Variants in SLC4A10 observed in about 807,000 individuals in gnomAD.
SLC4A10 encodes solute carrier family 4 member 10.
SLC4A10 carries 42 observed loss-of-function variants against 137.7 expected under a neutral mutation model. The ratio of observed to expected loss-of-function variants is 0.30; its 90% CI spans 0.24 to 0.39. SLC4A10 has a LOEUF of 0.39. SLC4A10 is among the 10% of genes least tolerant of loss of function. SLC4A10 has a pLI of 1.00. For synonymous variants in SLC4A10, 474 were observed against 464.1 expected (o/e 1.02, Z -0.27); for missense variants, 925 against 1,355.0 (o/e 0.68, Z 4.98).
chr2:161,952,681 A>T (rs1319869031), intron 19 of SLC4A10, among the ~76,000 whole-genome samples: 1 of 152,152 alleles, frequency 6.6e-6, no homozygotes, highest in African/African-American at 2.4e-5. Context: ...TGTGAATCTG[A>T]ACTCTCCATC....
intron 19 of SLC4A10, among the ~76,000 whole-genome samples, chr2:161,955,858 T>A (rs1160697805): frequency 6.6e-6 from 1 of 152,182 alleles, no homozygotes; most frequent in African/African-American, 2.4e-5. Flanking sequence ...ATGGTCATAA[T>A]AACAAATTTA....
intron 2 of SLC4A10, among the ~76,000 whole-genome samples, chr2:161,778,848 C>G (rs1461010189): frequency 6.6e-6 from 1 of 151,906 alleles, no homozygotes; most frequent in African/African-American, 2.4e-5. Context: ...AATGCCCCAT[C>G]TTGATATTCT....
chr2:161,767,095 ATATATAT>A (rs2050900090), intron 1 of SLC4A10, among the ~76,000 whole-genome samples: 1 of 4,536 alleles, frequency 2.2e-4, no homozygotes, highest in Non-Finnish European at 3.3e-4. Context: ...ATTAAGAAGC[ATATATAT>A]ATATATATAT....
At chr2:161,977,355 ACTT>A in intron 25 of SLC4A10, 1 of 460,920 alleles carries the variant, frequency 2.2e-6, no homozygotes. Context: ...TTATCCCAAA[ACTT>A]TCAACTCCTG....
At chr2:161,636,334 G>A (rs2034383491) in intron 1 of SLC4A10, among the ~76,000 whole-genome samples, 1 of 151,850 alleles carries the variant, frequency 6.6e-6, no homozygotes. Context: ...CTTTTTTGTG[G>A]CTGAATAGTA....
At chr2:161,773,070 T>C (rs1422155744) in intron 2 of SLC4A10, among the ~76,000 whole-genome samples, 1 of 151,852 alleles carries the variant, frequency 6.6e-6, no homozygotes, top group Non-Finnish European at 1.5e-5. Flanking sequence ...TATAACAGAA[T>C]ACCACAGACT....
chr2:161,701,460 A>G (rs149407595), intron 1 of SLC4A10, among the ~76,000 whole-genome samples: 38 of 152,100 alleles, frequency 2.5e-4, no homozygotes, highest in African/African-American at 9.1e-4. Context: ...GATATATAAT[A>G]GTTGTACATA....
At chr2:161,907,922 T>C (rs1684830944) in intron 15 of SLC4A10, among the ~76,000 whole-genome samples, 1 of 152,180 alleles carries the variant, frequency 6.6e-6, no homozygotes, top group Admixed American at 6.5e-5. Context: ...AAATCAGAAC[T>C]ATTCTGTTTC....
chr2:161,902,250 G>C (rs1683284706), intron 12 of SLC4A10: 1 of 255,150 alleles, frequency 3.9e-6, no homozygotes, highest in Non-Finnish European at 7.9e-6. Flanking sequence ...TCAGACTAAT[G>C]TATGCTCTAA....
intron 4 of SLC4A10, among the ~76,000 whole-genome samples, chr2:161,850,145 T>C (rs2059745188): frequency 6.6e-6 from 1 of 152,154 alleles, no homozygotes. Context: ...ATTCCAGCAC[T>C]TTGGGAGGTT....
chr2:161,974,568 T>C (rs964416221), intron 24 of SLC4A10, among the ~76,000 whole-genome samples: 1 of 152,194 alleles, frequency 6.6e-6, no homozygotes, highest in Non-Finnish European at 1.5e-5. Context: ...TCCTGTTTTA[T>C]AATGTGTATG....
rs553228460 is a variant in SLC4A10, at chr2:161,893,098, A to G, written c.1195-1581A>G. Among the ~76,000 whole-genome samples, 67 of 152,216 alleles carry G rather than the reference A, an allele frequency of 4.4e-4. 1 individual carries two copies. Among genetic ancestry groups the G allele is most frequent in the Non-Finnish European group, 9.0e-4 (61 of 68,006 alleles). On this transcript the variant is annotated intron_variant, in intron 10 of 26. Coordinates refer to ENST00000446997, the MANE Select transcript of SLC4A10 (RefSeq NM_001178015.2). ...GCAATGTGATAAGTCACACATTGGT[A>G]CTCATAACTTCCATTCAAAACTGAC...
chr2:161,827,011 T>G (rs1292057483), intron 3 of SLC4A10, among the ~76,000 whole-genome samples: 1 of 152,224 alleles, frequency 6.6e-6, no homozygotes, highest in African/African-American at 2.4e-5. Flanking sequence ...GAGGCTTTTT[T>G]TCTGTTTATA....
intron 1 of SLC4A10, among the ~76,000 whole-genome samples, chr2:161,699,047 T>G (rs1326084029): frequency 6.6e-6 from 1 of 152,016 alleles, no homozygotes; most frequent in Non-Finnish European, 1.5e-5. Flanking sequence ...TGAGATGGAG[T>G]CTCGCTCTGT....
At chr2:161,900,839 T>A in intron 11 of SLC4A10, 72 bp from the exon 12 acceptor site, 1 of 1,075,442 alleles carries the variant, frequency 9.3e-7, no homozygotes, top group South Asian at 1.7e-5. Context: ...AAAAATGAAC[T>A]GTTATTATTA....
At chr2:161,851,643 A>AT (rs1251834835) in intron 4 of SLC4A10, among the ~76,000 whole-genome samples, 2 of 152,158 alleles carry the variant, frequency 1.3e-5, no homozygotes, top group African/African-American at 4.8e-5. Flanking sequence ...CCAGAAGTAA[A>AT]TTTTAACTAT....
chr2:161,706,607 C>T lies in SLC4A10; in HGVS notation c.49-64366C>T, dbSNP rs143219028. 3.6e-4 allele frequency among the ~76,000 whole-genome samples: 54 copies of T among 151,546 alleles called. No homozygotes were observed. In the East Asian group the frequency reaches 5.0e-3, roughly 14 times the overall value. On this transcript the variant is annotated intron_variant, in intron 1 of 26. Coordinates refer to ENST00000446997, the MANE Select transcript of SLC4A10 (RefSeq NM_001178015.2). Reference sequence around the variant, plus strand: ...CTCAATTGATTGTCTATAGAGTAGCCGGGATATTTTAAACCTGATTATGCT... The same window carrying T: ...CTCAATTGATTGTCTATAGAGTAGCTGGGATATTTTAAACCTGATTATGCT...
At chr2:161,712,886 A>G (rs1209658027) in intron 1 of SLC4A10, among the ~76,000 whole-genome samples, 1 of 151,868 alleles carries the variant, frequency 6.6e-6, no homozygotes, top group Non-Finnish European at 1.5e-5. Flanking sequence ...AAACAAATAT[A>G]CAAAATCCTA....
chr2:161,921,123 G>T (rs1688051590), intron 15 of SLC4A10, among the ~76,000 whole-genome samples: 1 of 152,180 alleles, frequency 6.6e-6, no homozygotes. Flanking sequence ...GCCCTGGAGA[G>T]CTCAGAAGCA....
Sources: allele counts gnomAD v4.1 joint callset (sites outside exome capture counted in the v4.1 genomes callset), GRCh38; gene constraint gnomAD v4.1.1; transcripts MANE v1.5; gene names NCBI Gene and HGNC (gene_info 2026-07-23, HGNC 2026-07-21).